ZNF248: variants seen among roughly 807,000 people sequenced by gnomAD.
ZNF248 encodes the protein KRAB protein domain.
In ZNF248, 20 loss-of-function variants were observed where a neutral mutation model predicts 44.3. That is an observed-to-expected ratio of 0.45 (90% confidence interval 0.32 to 0.66). The LOEUF is 0.66. ZNF248 is among the 30% of genes least tolerant of loss of function. The pLI is 0.04. For missense variants in ZNF248, 654 were observed against 677.0 expected, an observed-to-expected ratio of 0.97 and a Z score of 0.38; for synonymous variants, 224 against 229.0, an observed-to-expected ratio of 0.98 and a Z score of 0.20.
At chr10:37,783,301 A>G (rs1329540206) in intron 6 of ZNF248, among the ~76,000 whole-genome samples, 1 of 152,202 alleles carries the variant, frequency 6.6e-6, no homozygotes, top group Non-Finnish European at 1.5e-5. Flanking sequence ...ATTAAGAGAT[A>G]AACTGTACTG....
At chr10:37,791,042 C>CTTTGTTTTTTT (rs2048478213) in intron 6 of ZNF248, among the ~76,000 whole-genome samples, 1 of 50,920 alleles carries the variant, frequency 2.0e-5, no homozygotes, top group Non-Finnish European at 3.7e-5. Context: ...TTTGTTATTT[C>CTTTGTTTTTTT]TTTTTTTTTT....
intron 3 of ZNF248, among the ~76,000 whole-genome samples, chr10:37,845,992 G>A (rs954712372): frequency 1.3e-5 from 2 of 152,158 alleles, no homozygotes; most frequent in African/African-American, 2.4e-5. Context: ...GGCAGCTGGC[G>A]AAATCAATGT....
intron 6 of ZNF248, among the ~76,000 whole-genome samples, chr10:37,777,669 A>G (rs989774883): frequency 1.4e-5 from 2 of 142,374 alleles, no homozygotes; most frequent in African/African-American, 5.2e-5. Flanking sequence ...ATATCTCCCA[A>G]TGCTATCCCT....
chr10:37,776,088 C>T (rs1361894), downstream of ZNF248, among the ~76,000 whole-genome samples: 9,114 of 152,162 alleles, frequency 0.06, 350 homozygotes, highest in Middle Eastern at 0.095. Flanking sequence ...CTAGAGGGCC[C>T]ATATCACAAT....
chr10:37,831,293 T>G lies in ZNF248; in HGVS notation c.*322A>C, dbSNP rs1359679265. 1.9e-6 allele frequency: 3 copies of G among 1,549,628 alleles called. No individual in the cohort carries two copies. Among genetic ancestry groups the G allele is most frequent in the African/African-American group, 1.4e-5 (1 of 73,000 alleles). On this transcript the variant is annotated 3_prime_UTR_variant, in exon 6 of 6. Coordinates refer to ENST00000395867, the MANE Select transcript of ZNF248 (RefSeq NM_021045.3). ...TGTTTAATGCTGCTGTCATTCAACT[T>G]TTATAAGCTTCAGATTCCACTGTGA...
intron 5 of ZNF248, 61 bp downstream of exon 5, chr10:37,837,556 A>T: frequency 7.1e-7 from 1 of 1,415,860 alleles, no homozygotes; most frequent in Non-Finnish European, 9.9e-7. Context: ...GACAAATCCT[A>T]AACCAATTAC....
intron 6 of ZNF248, among the ~76,000 whole-genome samples, chr10:37,785,604 C>G (rs748180547): frequency 3.9e-5 from 6 of 152,182 alleles, no homozygotes; most frequent in Non-Finnish European, 8.8e-5. Flanking sequence ...AGAATGAACA[C>G]TCCATGGAGT....
intron 3 of ZNF248, among the ~76,000 whole-genome samples, chr10:37,854,000 CAAG>C (rs2060810533): frequency 6.6e-6 from 1 of 152,108 alleles, no homozygotes; most frequent in Non-Finnish European, 1.5e-5. Flanking sequence ...GTTCAGAACA[CAAG>C]GAGAAGAAAG....
At chr10:37,793,300 A>C (rs529351633) in intron 6 of ZNF248, among the ~76,000 whole-genome samples, 69 of 152,226 alleles carry the variant, frequency 4.5e-4, no homozygotes, top group Non-Finnish European at 6.0e-4. Context: ...ACGCCACTGC[A>C]CTCCAGCCTG....
At chr10:37,822,406 A>T (rs1228970905) in intron 6 of ZNF248, among the ~76,000 whole-genome samples, 2 of 152,156 alleles carry the variant, frequency 1.3e-5, no homozygotes, top group African/African-American at 4.8e-5. Context: ...TATATATATT[A>T]AACAAAAATG....
At chr10:37,797,587 A>T (rs10219004) in intron 6 of ZNF248, among the ~76,000 whole-genome samples, 4,225 of 134,942 alleles carry the variant, frequency 0.031, 141 homozygotes, top group African/African-American at 0.085. Flanking sequence ...ATATATTTTT[A>T]AAAAAATTCT....
intron 6 of ZNF248, among the ~76,000 whole-genome samples, chr10:37,810,575 G>T (rs146730761): frequency 2.6e-5 from 4 of 151,906 alleles, no homozygotes; most frequent in African/African-American, 9.7e-5. Context: ...GGAGATATGT[G>T]ACAATTTGAA....
At chr10:37,825,004 T>G (rs1036992838), downstream of ZNF248, among the ~76,000 whole-genome samples, 1 of 151,856 alleles carries the variant, frequency 6.6e-6, no homozygotes, top group Non-Finnish European at 1.5e-5. Context: ...ACTTAAAAGC[T>G]TGAAGTAATT....
Position 37,831,706 on chromosome 10 carries a change from C to T in ZNF248, c.1649G>A (p.Cys550Tyr). 6.2e-7 allele frequency: 1 copy of T among 1,613,962 alleles called. No homozygotes were observed. The highest frequency in any genetic ancestry group is 8.5e-7 in the Non-Finnish European group (1 of 1,179,868). ...ACTAAAGGTCTTCCCACATGCATTACACTCATACGGCTTCTCCCCTGTGTG... is the reference window on the plus strand; with the variant it reads ...ACTAAAGGTCTTCCCACATGCATTATACTCATACGGCTTCTCCCCTGTGTG... Reference protein sequence around the residue: ...RTHTGEKPYECNACGKTFSQR... With the variant: ...RTHTGEKPYEYNACGKTFSQR... The change falls in exon 6 of 6, where the codon TGT becomes TAT. Residue 550 changes from cysteine to tyrosine, a missense_variant. Coordinates refer to ENST00000395867, the MANE Select transcript of ZNF248 (RefSeq NM_021045.3).
chr10:37,836,592 ACTCCTCAAAAAGGTTTTCTCTAAC>A (rs1369726361), intron 5 of ZNF248, among the ~76,000 whole-genome samples: 1 of 152,026 alleles, frequency 6.6e-6, no homozygotes, highest in Non-Finnish European at 1.5e-5. Context: ...TAATGTGGGA[ACTCCTCAAAAAGGTTTTCTCTAAC>A]CTACTGCCAA....
the ZNF248 span, among the ~76,000 whole-genome samples, chr10:37,767,184 A>C: frequency 6.6e-6 from 1 of 152,216 alleles, no homozygotes; most frequent in African/African-American, 2.4e-5. Context: ...AAAGGAACCA[A>C]GTTGGAACAC....
intron 3 of ZNF248, among the ~76,000 whole-genome samples, chr10:37,852,332 G>A (rs989581010): frequency 6.6e-5 from 10 of 152,134 alleles, no homozygotes; most frequent in Admixed American, 4.6e-4. Flanking sequence ...TATACAACCC[G>A]GATGAAACAC....
rs746749792 is a variant in ZNF248, at chr10:37,831,307, A to T, written c.*308T>A. The stretch of plus-strand genomic sequence containing the variant: ...GTCATTCAACTTTTATAAGCTTCAG[A>T]TTCCACTGTGAATATGGGTATAAAT... On this transcript the variant is annotated 3_prime_UTR_variant, in exon 6 of 6. Coordinates refer to ENST00000395867, the MANE Select transcript of ZNF248 (RefSeq NM_021045.3). The T allele has an allele frequency of 6.5e-7, 1 of 1,549,648 alleles. No homozygotes were observed.
intron 6 of ZNF248, among the ~76,000 whole-genome samples, chr10:37,802,431 C>G (rs1222947057): frequency 6.6e-6 from 1 of 152,188 alleles, no homozygotes; most frequent in Admixed American, 6.5e-5. Context: ...TCCATGCTGA[C>G]TCTGACAGGT....
Sources: gnomAD v4.1 joint callset for allele counts (sites outside exome capture counted in the v4.1 genomes callset) on GRCh38, gnomAD v4.1.1 for gene constraint, MANE v1.5 for transcripts, NCBI Gene and HGNC (gene_info 2026-07-23, HGNC 2026-07-21) for gene names.